CTNND2: variants seen among roughly 807,000 people sequenced by gnomAD.
CTNND2 encodes catenin delta-2.
A neutral mutation model predicts 144.4 loss-of-function variants in CTNND2; 22 were observed. The observed-to-expected ratio is 0.15, with a 90% confidence interval of 0.11 to 0.22. The LOEUF (loss-of-function observed/expected upper bound fraction) is 0.22. Ranked by LOEUF, CTNND2 falls within the 10% of genes least tolerant of loss-of-function variation. The pLI is 1.00. For synonymous variants in CTNND2, 751 were observed against 695.6 expected, an observed-to-expected ratio of 1.08 and a Z score of -1.25; for missense variants, 1,353 against 1,618.8, an observed-to-expected ratio of 0.84 and a Z score of 2.82.
Position 11,018,057 on chromosome 5 carries a change from G to A in CTNND2, c.3001C>T (p.His1001Tyr). 1 of 1,611,482 alleles carries A rather than the reference G, an allele frequency of 6.2e-7. No individual in the cohort carries two copies. Among genetic ancestry groups the A allele is most frequent in the Non-Finnish European group, 8.5e-7 (1 of 1,177,768 alleles). ...VGISKSKGDK[H>Y]SPKVVKAASQ... ...GCAGCCTTGACCACTTTTGGAGAGT[G>A]TCTGATGAAGAAAAGACAGGAAAGG... Residue 1001 changes from histidine (H) to tyrosine (Y), a missense_variant and splice_region_variant, in exon 18 of 22, where the codon CAC becomes TAC. This residue lies in a region of CTNND2 where 459 missense variants were observed against 674.3 expected (regional missense o/e 0.68). Transcript: ENST00000304623.
chr5:11,680,745 A>G (rs1784390157), intron 2 of CTNND2, among the ~76,000 whole-genome samples: 1 of 152,186 alleles, frequency 6.6e-6, no homozygotes, highest in Non-Finnish European at 1.5e-5. Flanking sequence ...CAGCAGGTGG[A>G]CTGCAGAGGA....
Position 11,678,686 on chromosome 5 carries a change from C to A in CTNND2, c.174+53450G>T, listed in dbSNP as rs553014288. ...AAAATACTGCAAATCATGCAGATCA[C>A]GAACAAAATTAAGGTTAATCTTCCT... On this transcript the variant is annotated intron_variant, in intron 2 of 21. Transcript: ENST00000304623. Among the ~76,000 whole-genome samples, 7 of 152,130 alleles carry A rather than the reference C, an allele frequency of 4.6e-5. No homozygotes were observed. The East Asian group carries it at 1.4e-3, about 29-fold the overall frequency.
intron 3 of CTNND2, among the ~76,000 whole-genome samples, chr5:11,430,565 G>A (rs1309549598): frequency 5.3e-5 from 8 of 152,002 alleles, no homozygotes; most frequent in East Asian, 1.9e-4. Flanking sequence ...ACTATCCTGG[G>A]AAATGACTCA....
At chr5:11,182,228 GTA>G (rs1283890665) in intron 11 of CTNND2, among the ~76,000 whole-genome samples, 5 of 149,768 alleles carry the variant, frequency 3.3e-5, no homozygotes, top group African/African-American at 1.2e-4. Flanking sequence ...TGTGTGTGTG[GTA>G]TATGTGTGTG....
chr5:11,397,841 G>A (rs748391532), intron 5 of CTNND2, among the ~76,000 whole-genome samples: 8 of 152,318 alleles, frequency 5.3e-5, no homozygotes, highest in East Asian at 1.9e-4. Context: ...TTCATGCCAC[G>A]CATGTAGCTG....
chr5:10,998,066 T>G (rs1167777025), intron 18 of CTNND2, among the ~76,000 whole-genome samples: 1 of 152,226 alleles, frequency 6.6e-6, no homozygotes, highest in Non-Finnish European at 1.5e-5. Context: ...GTCAGAAAAC[T>G]GAGTGTAATA....
At chr5:11,125,642 A>G (rs1754602729) in intron 12 of CTNND2, among the ~76,000 whole-genome samples, 1 of 152,246 alleles carries the variant, frequency 6.6e-6, no homozygotes, top group Non-Finnish European at 1.5e-5. Context: ...CCAGCACCCC[A>G]CAGGAAAAGT....
intron 2 of CTNND2, among the ~76,000 whole-genome samples, chr5:11,676,385 G>T (rs951042671): frequency 6.6e-5 from 10 of 151,932 alleles, no homozygotes; most frequent in Non-Finnish European, 1.3e-4. Flanking sequence ...CTTTAGTATT[G>T]TCAATCTAGG....
intron 1 of CTNND2, among the ~76,000 whole-genome samples, chr5:11,866,859 C>G (rs1795792718): frequency 6.6e-6 from 1 of 152,158 alleles, no homozygotes. Flanking sequence ...TGGTCCCAAT[C>G]AATACATGAT....
intron 18 of CTNND2, among the ~76,000 whole-genome samples, chr5:10,995,226 G>C (rs977692137): frequency 6.6e-6 from 1 of 152,208 alleles, no homozygotes; most frequent in East Asian, 1.9e-4. Flanking sequence ...GGCAGAGGCT[G>C]AGTCAGCCTG....
chr5:11,660,839 G>A (rs532420068), intron 2 of CTNND2, among the ~76,000 whole-genome samples: 6 of 152,160 alleles, frequency 3.9e-5, no homozygotes, highest in Non-Finnish European at 7.4e-5. Context: ...GTAAAATAAA[G>A]TTAAAGTACA....
chr5:11,639,023 G>C (rs1781855843), intron 2 of CTNND2, among the ~76,000 whole-genome samples: 1 of 152,140 alleles, frequency 6.6e-6, no homozygotes, highest in Non-Finnish European at 1.5e-5. Flanking sequence ...AAAGAAATAA[G>C]ACATTGTGAT....
At chr5:11,046,111 G>A (rs1745220544) in intron 16 of CTNND2, among the ~76,000 whole-genome samples, 1 of 152,086 alleles carries the variant, frequency 6.6e-6, no homozygotes, top group Admixed American at 6.6e-5. Context: ...AAATTCTTAT[G>A]TTGATATCCT....
intron 15 of CTNND2, among the ~76,000 whole-genome samples, chr5:11,098,007 A>AG (rs1260972169): frequency 6.6e-6 from 1 of 152,226 alleles, no homozygotes; most frequent in African/African-American, 2.4e-5. Flanking sequence ...TTAGTTTATA[A>AG]GGACTCAGAA....
At chr5:11,752,917 G>C (rs531404683) in intron 1 of CTNND2, among the ~76,000 whole-genome samples, 6 of 151,688 alleles carry the variant, frequency 4.0e-5, no homozygotes, top group African/African-American at 1.2e-4. Flanking sequence ...TGCATTCCTA[G>C]GTATTTTGCA....
intron 2 of CTNND2, among the ~76,000 whole-genome samples, chr5:11,574,802 G>A (rs1777850253): frequency 6.6e-6 from 1 of 152,124 alleles, no homozygotes; most frequent in Non-Finnish European, 1.5e-5. Context: ...CCACAATAGA[G>A]AAAGCAGCCT....
intron 16 of CTNND2, among the ~76,000 whole-genome samples, chr5:11,051,526 T>A (rs1561227812): frequency 6.6e-6 from 1 of 152,204 alleles, no homozygotes; most frequent in South Asian, 2.1e-4. Flanking sequence ...AGGAAAGAAG[T>A]GAGGAATAGA....
intron 1 of CTNND2, among the ~76,000 whole-genome samples, chr5:11,793,331 A>G (rs950662589): frequency 6.6e-6 from 1 of 152,156 alleles, no homozygotes; most frequent in Admixed American, 6.5e-5. Flanking sequence ...TTCATCCTTG[A>G]TGCCTTTCAT....
intron 9 of CTNND2, among the ~76,000 whole-genome samples, chr5:11,263,420 C>T (rs1195703652): frequency 6.6e-6 from 1 of 151,884 alleles, no homozygotes; most frequent in East Asian, 1.9e-4. Context: ...TACTTAATAA[C>T]ATGCAAAAAT....
Sources: allele counts gnomAD v4.1 joint callset (sites outside exome capture counted in the v4.1 genomes callset), GRCh38; gene constraint gnomAD v4.1.1; regional missense constraint gnomAD v4.1.1; transcripts MANE v1.5; gene names NCBI Gene and HGNC (gene_info 2026-07-23, HGNC 2026-07-21).